Variants in KCNH5 observed in about 807,000 individuals in gnomAD.
The protein encoded by KCNH5 is potassium voltage-gated channel subfamily H member 5.
A neutral mutation model predicts 96.1 loss-of-function variants in KCNH5; 46 were observed. The ratio of observed to expected loss-of-function variants is 0.48; its 90% CI spans 0.38 to 0.61. The LOEUF (loss-of-function observed/expected upper bound fraction) is 0.61, where lower values mean the gene tolerates loss of function less well. KCNH5 is among the 20% of genes least tolerant of loss of function. The pLI, the probability that KCNH5 is intolerant of heterozygous loss-of-function variation, is 0.00. For synonymous variants in KCNH5, 439 were observed against 449.8 expected, an observed-to-expected ratio of 0.98 and a Z score of 0.30; for missense variants, 907 against 1,225.8, an observed-to-expected ratio of 0.74 and a Z score of 3.88.
chr14:62,758,624 G>A (rs978665629), intron 10 of KCNH5, among the ~76,000 whole-genome samples: 1 of 152,256 alleles, frequency 6.6e-6, no homozygotes, highest in South Asian at 2.1e-4. Context: ...ATCAGAAAAA[G>A]TCACTGAAGT....
At chr14:62,908,368 G>C (rs564351349) in intron 7 of KCNH5, among the ~76,000 whole-genome samples, 1 of 152,216 alleles carries the variant, frequency 6.6e-6, no homozygotes, top group South Asian at 2.1e-4. Context: ...TCACCTTCCT[G>C]CTTCCTGTTC....
chr14:62,997,739 T>C (rs1472715318), intron 4 of KCNH5, among the ~76,000 whole-genome samples: 2 of 150,550 alleles, frequency 1.3e-5, no homozygotes, highest in African/African-American at 2.4e-5. Flanking sequence ...CTACTAAAAA[T>C]ACAAAAAAAA....
intron 7 of KCNH5, among the ~76,000 whole-genome samples, chr14:62,916,078 G>A (rs987745393): frequency 2.0e-5 from 3 of 150,096 alleles, no homozygotes; most frequent in South Asian, 2.1e-4. Context: ...TCAGGCTCCC[G>A]AGTAGCTGGG....
intron 10 of KCNH5, among the ~76,000 whole-genome samples, chr14:62,771,961 C>T (rs927088954): frequency 2.6e-5 from 4 of 152,112 alleles, no homozygotes; most frequent in Non-Finnish European, 4.4e-5. Context: ...AAGGGAAACC[C>T]GCTTGATTAT....
intron 10 of KCNH5, among the ~76,000 whole-genome samples, chr14:62,759,192 G>A (rs1885691763): frequency 6.6e-6 from 1 of 151,768 alleles, no homozygotes; most frequent in South Asian, 2.1e-4. Context: ...ACTTATTTTG[G>A]TAAGATATTA....
rs530438205 is a variant in KCNH5, at chr14:62,905,782, T to C, written c.1369+44351A>G. ...GGGCTTTGATCCCTTTCACTTGCTA[T>C]ATCTAAAGGTCCCACAGAGTGCTTT... On this transcript the variant is annotated intron_variant, in intron 7 of 10. Transcript: ENST00000322893. Among the ~76,000 whole-genome samples the C allele has an allele frequency of 5.3e-5, 8 of 152,348 alleles. No homozygotes were observed. The East Asian group carries it at 9.6e-4, about 18-fold the overall frequency.
intron 3 of KCNH5, among the ~76,000 whole-genome samples, chr14:63,003,608 T>TTATA (rs561686892): frequency 8.7e-6 from 1 of 115,482 alleles, no homozygotes; most frequent in Non-Finnish European, 1.6e-5. Context: ...ATATTTATAT[T>TTATA]TATATATATA....
At chr14:62,886,971 C>T (rs1888610536) in intron 7 of KCNH5, among the ~76,000 whole-genome samples, 1 of 152,040 alleles carries the variant, frequency 6.6e-6, no homozygotes, top group South Asian at 2.1e-4. Context: ...TATTTCTATA[C>T]ATCAAAAAAT....
chr14:62,876,454 A>C (rs186203111), intron 7 of KCNH5, among the ~76,000 whole-genome samples: 6 of 152,364 alleles, frequency 3.9e-5, no homozygotes, highest in Non-Finnish European at 7.3e-5. Context: ...GAAAATGTTT[A>C]ATAAATCTAT....
chr14:62,825,872 TATA>T (rs1182214685), intron 8 of KCNH5, among the ~76,000 whole-genome samples: 1 of 152,072 alleles, frequency 6.6e-6, no homozygotes, highest in Non-Finnish European at 1.5e-5. Context: ...TTTTTTCTAC[TATA>T]ATGAGAGAAC....
chr14:62,877,734 T>G (rs555209956), intron 7 of KCNH5, among the ~76,000 whole-genome samples: 25 of 151,904 alleles, frequency 1.6e-4, no homozygotes, highest in African/African-American at 4.6e-4. Context: ...GGAACACTTT[T>G]ACACTGTTGG....
chr14:62,770,612 G>A (rs1035212636), intron 10 of KCNH5, among the ~76,000 whole-genome samples: 2 of 152,130 alleles, frequency 1.3e-5, no homozygotes, highest in African/African-American at 4.8e-5. Flanking sequence ...GATTGATCAT[G>A]CCTGGGGACT....
In KCNH5 at chr14:62,701,088, T is replaced by C. The variant is rs1884341320; in HGVS notation, c.*6420A>G. 6.6e-6 allele frequency: 1 copy of C among 152,102 alleles called. No individual in the cohort carries two copies. Among genetic ancestry groups the C allele is most frequent in the South Asian group, 2.1e-4 (1 of 4,830 alleles). 9.4% of individuals were successfully genotyped at this position (152,102 alleles called of 1,614,324 possible). A position where few individuals can be genotyped will look rare whatever the true frequency, so the allele number is the denominator to read the frequency against. On this transcript the variant is annotated 3_prime_UTR_variant, in exon 11 of 11. Coordinates refer to ENST00000322893, the MANE Select transcript of KCNH5 (RefSeq NM_139318.5). ...TCAACAGTCAGTGATTCCGCATGAA[T>C]GAGAGAGAGTGATCAGATCTTTTTG...
intron 10 of KCNH5, among the ~76,000 whole-genome samples, chr14:62,748,751 G>A (rs983696443): frequency 9.2e-5 from 14 of 151,802 alleles, no homozygotes; most frequent in South Asian, 2.1e-4. Context: ...TGCGAGTTCC[G>A]ACAAAAAAAA....
At chr14:62,825,416 T>G (rs551951804) in intron 8 of KCNH5, among the ~76,000 whole-genome samples, 1 of 152,038 alleles carries the variant, frequency 6.6e-6, no homozygotes, top group Non-Finnish European at 1.5e-5. Context: ...TATTTTTTTT[T>G]GACCACTTGT....
chr14:62,781,624 TC>T (rs751954637), intron 9 of KCNH5, among the ~76,000 whole-genome samples: 16 of 152,326 alleles, frequency 1.1e-4, no homozygotes, highest in Non-Finnish European at 1.5e-4. Context: ...GAAAAAGAAT[TC>T]AGTGATATTT....
chr14:62,979,877 A>G (rs1288747667), intron 6 of KCNH5, among the ~76,000 whole-genome samples: 2 of 152,196 alleles, frequency 1.3e-5, no homozygotes, highest in Admixed American at 1.3e-4. Flanking sequence ...CTTACATGAG[A>G]CAAGACATCA....
Position 62,938,036 on chromosome 14 carries a change from A to G in KCNH5, c.1369+12097T>C, listed in dbSNP as rs1889718146. 3.9e-5 allele frequency among the ~76,000 whole-genome samples: 6 copies of G among 152,322 alleles called. No homozygotes were observed. The South Asian group carries it at 8.3e-4, about 21-fold the overall frequency. ...TACCGAAGTCTCATCAGAAGAGTCAATACCAGACCTGCCTCCTTTGCTGAT... is the reference window on the plus strand; with the variant it reads ...TACCGAAGTCTCATCAGAAGAGTCAGTACCAGACCTGCCTCCTTTGCTGAT... On this transcript the variant is annotated intron_variant, in intron 7 of 10. Coordinates refer to ENST00000322893, the MANE Select transcript of KCNH5 (RefSeq NM_139318.5).
intron 6 of KCNH5, among the ~76,000 whole-genome samples, chr14:62,969,749 T>C (rs375470210): frequency 1.4e-5 from 2 of 145,652 alleles, no homozygotes; most frequent in Non-Finnish European, 3.0e-5. Flanking sequence ...GAACTTAAAA[T>C]AAAATTAATT....
Sources: allele counts gnomAD v4.1 joint callset (sites outside exome capture counted in the v4.1 genomes callset), GRCh38; gene constraint gnomAD v4.1.1; transcripts MANE v1.5; gene names NCBI Gene and HGNC (gene_info 2026-07-23, HGNC 2026-07-21).